Variants in HSD3B2 observed in about 807,000 individuals in gnomAD.
HSD3B2 encodes hydroxy-delta-5-steroid dehydrogenase, 3 beta- and steroid delta-isomerase 2.
In HSD3B2, 8 loss-of-function variants were observed where a neutral mutation model predicts 9.9. The observed-to-expected ratio is 0.81, with a 90% CI of 0.47 to 1.46. The LOEUF is 1.46. Ranked by LOEUF, HSD3B2 falls within the 40% of genes most tolerant of loss-of-function variation. HSD3B2 has a pLI of 0.00. For synonymous variants in HSD3B2, 221 were observed against 184.5 expected, an observed-to-expected ratio of 1.20 and a Z score of -1.60; for missense variants, 410 against 448.3, an observed-to-expected ratio of 0.91 and a Z score of 0.77.
chr1:119,421,416 T>C (rs1400635030), intron 3 of HSD3B2, among the ~76,000 whole-genome samples: 28 of 51,924 alleles, frequency 5.4e-4, no homozygotes, highest in Non-Finnish European at 1.1e-3. Flanking sequence ...TATATATATA[T>C]GTATATATAT....
chr1:119,421,857 T>C lies in HSD3B2; in HGVS notation c.356T>C (p.Phe119Ser), dbSNP rs1651886946. ...EACVQASVPV[F>S]IYTSSIEVAG... ...TGTGTCCAAGCCAGTGTGCCAGTCT[T>C]CATCTACACCAGTAGCATAGAGGTA... Residue 119 changes from phenylalanine (F) to serine (S), a missense_variant, in exon 4 of 4, where the codon TTC becomes TCC. Phe to Ser is a radical substitution (Grantham distance 155, BLOSUM62 -2). Transcript: ENST00000369416. 1 of 1,612,488 alleles carries C rather than the reference T, an allele frequency of 6.2e-7. No homozygotes were observed. The highest frequency in any genetic ancestry group is 1.7e-5 in the Admixed American group (1 of 59,864).
chr1:119,420,610 C>T (rs760839458), intron 3 of HSD3B2, among the ~76,000 whole-genome samples: 1 of 152,120 alleles, frequency 6.6e-6, no homozygotes, highest in East Asian at 1.9e-4. Flanking sequence ...TTATCACTCC[C>T]GGGCTTAGAA....
At chr1:119,416,444 G>A (rs587596263) in intron 2 of HSD3B2, among the ~76,000 whole-genome samples, 1 of 152,314 alleles carries the variant, frequency 6.6e-6, no homozygotes, top group African/African-American at 2.4e-5. Context: ...ACTGGACAAT[G>A]AACCCATCAA....
At position 119,422,219 on chromosome 1, in the gene HSD3B2, C is replaced by T. The variant is rs370603955; in HGVS notation, c.718C>T (p.Arg240Trp). ...WAHILALRAL[R>W]DPKKAPSVRG... ...CCACATTCTGGCCTTGAGGGCTCTGCGGGACCCCAAGAAGGCCCCAAGTGT... is the reference window on the plus strand; with the variant it reads ...CCACATTCTGGCCTTGAGGGCTCTGTGGGACCCCAAGAAGGCCCCAAGTGT... Residue 240 changes from arginine to tryptophan, a missense_variant, in exon 4 of 4, where the codon CGG becomes TGG. Arg to Trp is a moderately radical substitution (Grantham distance 101). Coordinates refer to ENST00000369416, the MANE Select transcript of HSD3B2 (RefSeq NM_000198.4). 33 of 1,613,894 alleles carry T rather than the reference C, an allele frequency of 2.0e-5. No homozygotes were observed. The highest frequency in any genetic ancestry group is 4.0e-5 in the African/African-American group (3 of 74,876).
rs1651803692 is a variant in HSD3B2 at position 119,419,547 on chromosome 1, C to A, written c.272C>A (p.Thr91Asn). ...TACIIDVFGV[T>N]HRESIMNVNV... ...TGTATCATTGATGTCTTTGGTGTCA[C>A]TCACAGAGAGTCCATCATGAATGTC... Residue 91 changes from threonine (T) to asparagine (N), a missense_variant, in exon 3 of 4, where the codon ACT (threonine) becomes AAT (asparagine). Thr to Asn is a moderately conservative substitution (Grantham distance 65). Coordinates refer to ENST00000369416, the MANE Select transcript of HSD3B2 (RefSeq NM_000198.4). 1.2e-6 allele frequency: 2 copies of A among 1,613,874 alleles called. No individual in the cohort carries two copies. The highest frequency in any genetic ancestry group is 1.7e-5 in the Admixed American group (1 of 59,996).
intron 3 of HSD3B2, 54 bp from the exon 4 acceptor site, chr1:119,421,753 GGT>G (rs1156468839): frequency 3.8e-6 from 6 of 1,592,324 alleles, no homozygotes; most frequent in Non-Finnish European, 5.2e-6. Flanking sequence ...CTGTGCATGT[GGT>G]TGCAGCTCCT....
At chr1:119,421,427 GTA>G (rs1339046079) in intron 3 of HSD3B2, among the ~76,000 whole-genome samples, 928 of 14,522 alleles carry the variant, frequency 0.064, 28 homozygotes, top group African/African-American at 0.16. Context: ...GTATATATAT[GTA>G]TATATATATA....
chr1:119,420,302 G>A (rs1454221979), intron 3 of HSD3B2, among the ~76,000 whole-genome samples: 1 of 151,952 alleles, frequency 6.6e-6, no homozygotes, highest in Non-Finnish European at 1.5e-5. Context: ...GATTCCCAGA[G>A]CCCAGTCTCT....
rs1557869564 is a variant in HSD3B2, at chr1:119,421,463, ATG to A, written c.308-344_308-343del. Among the ~76,000 whole-genome samples the A allele has an allele frequency of 3.4e-3, 30 of 8,924 alleles. 2 individuals carry two copies. Among genetic ancestry groups the A allele is most frequent in the Non-Finnish European group, 5.4e-3 (27 of 4,960 alleles). 5.9% of individuals were successfully genotyped at this position (8,924 alleles called of 152,430 possible). ...TATGTATATATATATGTATATATAT[ATG>A]TATATATATATGTATATATATATTT... On this transcript the variant is annotated intron_variant, in intron 3 of 3. Coordinates refer to ENST00000369416, the MANE Select transcript of HSD3B2 (RefSeq NM_000198.4).
chr1:119,417,043 T>C (rs6676988), intron 2 of HSD3B2, among the ~76,000 whole-genome samples: 10,708 of 152,258 alleles, frequency 0.07, 558 homozygotes, highest in East Asian at 0.19. Context: ...CTCATTTACT[T>C]CCCATAACAA....
At position 119,419,484 on chromosome 1, in the gene HSD3B2, G is replaced by A. The variant is rs772162284; in HGVS notation, c.209G>A (p.Arg70Lys). 3 of 1,613,820 alleles carry A rather than the reference G, an allele frequency of 1.9e-6. No individual in the cohort carries two copies. Among genetic ancestry groups the A allele is most frequent in the South Asian group, 1.1e-5 (1 of 91,062 alleles). Reference protein sequence around the residue: ...GDILDEPFLKRACQDVSVVIH... With the variant: ...GDILDEPFLKKACQDVSVVIH... ...ATTCTGGATGAGCCATTCCTGAAAA[G>A]AGCCTGCCAGGACGTCTCGGTCGTC... Residue 70 changes from arginine to lysine, a missense_variant, in exon 3 of 4, where the codon AGA becomes AAA. By Grantham distance (26) the Arg-to-Lys change is conservative (BLOSUM62 2). Coordinates refer to ENST00000369416, the MANE Select transcript of HSD3B2 (RefSeq NM_000198.4).
In HSD3B2 at chr1:119,422,641, G is replaced by C. The variant is rs762402613; in HGVS notation, c.*21G>C. 2 of 1,612,658 alleles carry C rather than the reference G, an allele frequency of 1.2e-6. No individual in the cohort carries two copies. Among genetic ancestry groups the C allele is most frequent in the Non-Finnish European group, 8.5e-7 (1 of 1,179,710 alleles). ...AGTGATTTAAGGATGACAGAGATGT[G>C]CATGTGGGTATTGTTAGGAAATGTC... On this transcript the variant is annotated 3_prime_UTR_variant, in exon 4 of 4. Coordinates refer to ENST00000369416, the MANE Select transcript of HSD3B2 (RefSeq NM_000198.4).
At chr1:119,421,405 A>ATATATATATATGTATATATATATGTG in intron 3 of HSD3B2, among the ~76,000 whole-genome samples, 1 of 59,480 alleles carries the variant, frequency 1.7e-5, no homozygotes, top group Non-Finnish European at 3.2e-5. Flanking sequence ...ATATATATGT[A>ATATATATATATGTATATATATATGTG]TATATATATA....
rs1309042305 is a variant in HSD3B2 at position 119,421,833 on chromosome 1, G to A, written c.332G>A (p.Cys111Tyr). 1 of 1,613,462 alleles carries A rather than the reference G, an allele frequency of 6.2e-7. No homozygotes were observed. The highest frequency in any genetic ancestry group is 2.2e-5 in the East Asian group (1 of 44,832). The change falls in exon 4 of 4, where the codon TGT becomes TAT. Residue 111 changes from cysteine (C) to tyrosine (Y), a missense_variant. Cys to Tyr is a radical substitution (Grantham distance 194). Transcript: ENST00000369416. ...GGTACCCAGCTACTGTTGGAGGCCT[G>A]TGTCCAAGCCAGTGTGCCAGTCTTC... ...VKGTQLLLEA[C>Y]VQASVPVFIY...
In HSD3B2 at chr1:119,422,235, C is replaced by T; in HGVS notation, c.734C>T (p.Ala245Val). Residue 245 changes from alanine (A) to valine (V), a missense_variant, in exon 4 of 4, where the codon GCC becomes GTC. Coordinates refer to ENST00000369416, the MANE Select transcript of HSD3B2 (RefSeq NM_000198.4). ...ALRALRDPKK[A>V]PSVRGQFYYI... ...AGGGCTCTGCGGGACCCCAAGAAGGCCCCAAGTGTCCGAGGTCAATTCTAT... is the reference window on the plus strand; with the variant it reads ...AGGGCTCTGCGGGACCCCAAGAAGGTCCCAAGTGTCCGAGGTCAATTCTAT... 1 of 1,614,096 alleles carries T rather than the reference C, an allele frequency of 6.2e-7. No individual in the cohort carries two copies. The highest frequency in any genetic ancestry group is 8.5e-7 in the Non-Finnish European group (1 of 1,179,998).
At chr1:119,415,733 G>A (rs1407957495) in intron 2 of HSD3B2, among the ~76,000 whole-genome samples, 172 bp downstream of exon 2, 2 of 152,204 alleles carry the variant, frequency 1.3e-5, no homozygotes, top group African/African-American at 4.8e-5. Context: ...GAAAGATACT[G>A]GATGGGGTGT....
At chr1:119,419,673 C>T (rs1651808160) in intron 3 of HSD3B2, 91 bp downstream of exon 3, 2 of 1,279,142 alleles carry the variant, frequency 1.6e-6, no homozygotes, top group Admixed American at 1.9e-5. Flanking sequence ...CTCCATTGAA[C>T]ACCTGCTGAG....
At position 119,422,439 on chromosome 1, in the gene HSD3B2, C is replaced by T; in HGVS notation, c.938C>T (p.Pro313Leu). 11 of 1,614,138 alleles carry T rather than the reference C, an allele frequency of 6.8e-6. No homozygotes were observed. Among genetic ancestry groups the T allele is most frequent in the Non-Finnish European group, 9.3e-6 (11 of 1,179,992 alleles). ...LLSPIYSYQPPFNRHTVTLSN... is the reference protein window; with the variant it reads ...LLSPIYSYQPLFNRHTVTLSN... Reference sequence around the variant, plus strand: ...AGCCCAATTTACTCCTATCAACCCCCCTTCAACCGCCACACAGTCACATTA... The same window carrying T: ...AGCCCAATTTACTCCTATCAACCCCTCTTCAACCGCCACACAGTCACATTA... Residue 313 changes from proline to leucine, a missense_variant, in exon 4 of 4, where the codon CCC becomes CTC. Transcript: ENST00000369416.
rs749638934 is a variant in HSD3B2 at position 119,421,961 on chromosome 1, T to A, written c.460T>A (p.Tyr154Asn). Residue 154 changes from tyrosine to asparagine, a missense_variant, in exon 4 of 4, where the codon TAC becomes AAC. Tyr to Asn is a moderately radical substitution (Grantham distance 143). Transcript: ENST00000369416. ...EPLENTWPTPYPYSKKLAEKA... is the reference protein window; with the variant it reads ...EPLENTWPTPNPYSKKLAEKA... Reference sequence around the variant, plus strand: ...TCTGGAAAACACATGGCCCACTCCATACCCGTACAGCAAAAAGCTTGCTGA... The same window carrying A: ...TCTGGAAAACACATGGCCCACTCCAAACCCGTACAGCAAAAAGCTTGCTGA... 6.2e-7 allele frequency: 1 copy of A among 1,614,108 alleles called. No homozygotes were observed.
Sources: gnomAD v4.1 joint callset for allele counts (sites outside exome capture counted in the v4.1 genomes callset) on GRCh38, gnomAD v4.1.1 for gene constraint, MANE v1.5 for transcripts, NCBI Gene and HGNC (gene_info 2026-07-23, HGNC 2026-07-21) for gene names.